KMT2C: variants seen among roughly 807,000 people sequenced by gnomAD.
KMT2C encodes the protein lysine methyltransferase 2C, also known as histone-lysine N-methyltransferase 2C.
A neutral mutation model predicts 507.9 loss-of-function variants in KMT2C; 88 were observed. That is an observed-to-expected ratio of 0.17 (90% CI 0.15 to 0.21). The LOEUF is 0.21. Ranked by LOEUF, KMT2C falls within the 10% of genes least tolerant of loss-of-function variation. The pLI is 1.00. For synonymous variants in KMT2C, 2,049 were observed against 2,080.8 expected, an observed-to-expected ratio of 0.98 and a Z score of 0.42; for missense variants, 4,954 against 5,957.8, an observed-to-expected ratio of 0.83 and a Z score of 5.55.
In KMT2C at chr7:152,148,123, T is replaced by C. The variant is rs141758280; in HGVS notation, c.13804A>G (p.Ile4602Val). 4.5e-5 allele frequency: 72 copies of C among 1,613,556 alleles called. No homozygotes were observed. The African/African-American group carries it at 5.5e-4, about 12-fold the overall frequency. ...ACTGGGCGCCCATCCTTCTCCTCAATGGAGCACAGGTAGCGGCAGCGCCTA... is the reference window on the plus strand; with the variant it reads ...ACTGGGCGCCCATCCTTCTCCTCAACGGAGCACAGGTAGCGGCAGCGCCTA... ...ANRRCRYLCS[I>V]EEKDGRPVFV... Residue 4602 changes from isoleucine to valine, a missense_variant, in exon 52 of 59, where the codon ATT becomes GTT. Ile to Val is a conservative substitution (Grantham distance 29). Coordinates refer to ENST00000262189, the MANE Select transcript of KMT2C (RefSeq NM_170606.3). The surrounding 1 kb of genome is among the most constrained non-coding windows in gnomAD (Gnocchi z 7.1).
rs1329182908 is a variant in KMT2C at position 152,435,901 on chromosome 7, C to T, written c.-115G>A. On this transcript the variant is annotated 5_prime_UTR_variant, in exon 1 of 59. Coordinates refer to ENST00000262189, the MANE Select transcript of KMT2C (RefSeq NM_170606.3). Reference sequence around the variant, plus strand: ...GTTCCTCCTCCCCGGCTCAGCCTCTCGCATTTCCCGCAGCCCCGGGAGCAG... The same window carrying T: ...GTTCCTCCTCCCCGGCTCAGCCTCTTGCATTTCCCGCAGCCCCGGGAGCAG... 6 of 1,145,910 alleles carry T rather than the reference C, an allele frequency of 5.2e-6. No homozygotes were observed. The African/African-American group carries it at 8.3e-5, about 16-fold the overall frequency. 71.0% of individuals were successfully genotyped at this position (1,145,910 alleles called of 1,614,324 possible).
chr7:152,177,624 C>T lies in KMT2C; in HGVS notation c.7829G>A (p.Arg2610Gln), dbSNP rs139770288. ...PGPRHTDPMR[R>Q]PPQGLPNQLP... ...CTGATTAGGTAGACCCTGGGGAGGT[C>T]GTCGCATGGGGTCTGTGTGTCTAGG... Residue 2610 changes from arginine (R) to glutamine (Q), a missense_variant, in exon 38 of 59, where the codon CGA becomes CAA. Physicochemically the swap from Arg to Gln is conservative, Grantham distance 43. This residue lies in a region of KMT2C where 1,689 missense variants were observed against 1,654.3 expected (regional missense o/e 1.02). Coordinates refer to ENST00000262189, the MANE Select transcript of KMT2C (RefSeq NM_170606.3). 298 of 1,614,016 alleles carry T rather than the reference C, an allele frequency of 1.8e-4. 2 individuals are homozygous for T. In the East Asian group the frequency reaches 3.8e-3, roughly 21 times the overall value.
At chr7:152,152,487 T>C (rs1194863602) in intron 49 of KMT2C, among the ~76,000 whole-genome samples, 1 of 152,182 alleles carries the variant, frequency 6.6e-6, no homozygotes, top group African/African-American at 2.4e-5. Flanking sequence ...GGCACTCACA[T>C]AGCCCCTGGT....
At chr7:152,344,213 C>CGGGAAT (rs1449537678) in intron 2 of KMT2C, among the ~76,000 whole-genome samples, 2 of 152,134 alleles carry the variant, frequency 1.3e-5, no homozygotes, top group Non-Finnish European at 2.9e-5. Context: ...ACAGTGGTGC[C>CGGGAAT]ATCTTATCCA....
chr7:152,343,614 C>T (rs2097022021), intron 2 of KMT2C, among the ~76,000 whole-genome samples: 1 of 151,816 alleles, frequency 6.6e-6, no homozygotes, highest in Admixed American at 6.6e-5. Context: ...GATAAATGCC[C>T]AAACAAACTA....
rs2089880251 is a variant in KMT2C at position 152,136,443 on chromosome 7, C to CCGGGG, written c.*384_*388dup. The CCGGGG allele has an allele frequency of 4.0e-6, 1 of 249,578 alleles. No individual in the cohort carries two copies. Among genetic ancestry groups the CCGGGG allele is most frequent in the Non-Finnish European group, 7.8e-6 (1 of 128,614 alleles). 15.5% of individuals were successfully genotyped at this position (249,578 alleles called of 1,614,324 possible). A position where few individuals can be genotyped will look rare whatever the true frequency, so the allele number is the denominator to read the frequency against. Reference sequence around the variant, plus strand: ...CTTACATTCATAGGAAGGCCCCTGCCCGGGGCAGGGCAGCCATCGGCTCTT... The same window carrying CCGGGG: ...CTTACATTCATAGGAAGGCCCCTGCCCGGGGCGGGGCAGGGCAGCCATCGGCTCTT... On this transcript the variant is annotated 3_prime_UTR_variant, in exon 59 of 59. Coordinates refer to ENST00000262189, the MANE Select transcript of KMT2C (RefSeq NM_170606.3).
In KMT2C at chr7:152,136,808, C is replaced by T. The variant is rs145947780; in HGVS notation, c.*24G>A. 4.7e-4 allele frequency: 735 copies of T among 1,570,006 alleles called. 8 individuals carry two copies. The East Asian group carries it at 0.014, about 30-fold the overall frequency. ...CGCCTCTTCCTAGGGACAAGCCGCC[C>T]GCTGAGCTAGCAAGGAATGCATTTC... On this transcript the variant is annotated 3_prime_UTR_variant, in exon 59 of 59. Transcript: ENST00000262189.
intron 51 of KMT2C, among the ~76,000 whole-genome samples, 162 bp downstream of exon 51, chr7:152,150,738 G>A (rs1000799634): frequency 6.6e-6 from 1 of 151,962 alleles, no homozygotes; most frequent in Non-Finnish European, 1.5e-5. Flanking sequence ...ACGACTCAAG[G>A]CTCCCTACAC....
chr7:152,388,173 T>C (rs1291464700), intron 1 of KMT2C, among the ~76,000 whole-genome samples: 3 of 152,248 alleles, frequency 2.0e-5, no homozygotes, highest in Non-Finnish European at 2.9e-5. Flanking sequence ...ATATATATAA[T>C]TTCATTAATT....
chr7:152,270,552 A>G (rs1031673626), intron 7 of KMT2C, among the ~76,000 whole-genome samples: 1 of 152,130 alleles, frequency 6.6e-6, no homozygotes, highest in African/African-American at 2.4e-5. Context: ...GTAGGCTACT[A>G]TGCTCCAAGT....
intron 6 of KMT2C, among the ~76,000 whole-genome samples, chr7:152,297,617 T>A (rs1178366294): frequency 1.3e-5 from 2 of 152,176 alleles, no homozygotes; most frequent in Admixed American, 6.5e-5. Flanking sequence ...TGGTGAGGAA[T>A]AATTAGTCCT....
chr7:152,387,475 T>TG (rs887713881), intron 1 of KMT2C, among the ~76,000 whole-genome samples: 2 of 141,486 alleles, frequency 1.4e-5, no homozygotes, highest in African/African-American at 5.2e-5. Flanking sequence ...TTCCATTTTT[T>TG]TTTTTTTTTT....
chr7:152,341,485 G>A (rs1386456984), intron 2 of KMT2C, among the ~76,000 whole-genome samples: 1 of 152,176 alleles, frequency 6.6e-6, no homozygotes, highest in Non-Finnish European at 1.5e-5. Context: ...AAAGCTCAGA[G>A]GGTTTTGCTC....
intron 11 of KMT2C, 32 bp from the exon 12 acceptor site, chr7:152,250,998 G>T (rs1563586546): frequency 8.0e-7 from 1 of 1,256,832 alleles, no homozygotes. Context: ...CTTTAGCTCA[G>T]AATGAGTTTT....
At position 152,162,850 on chromosome 7, in the gene KMT2C, A is replaced by G. The variant is rs748999968; in HGVS notation, c.10727T>C (p.Ile3576Thr). The G allele has an allele frequency of 5.0e-6, 8 of 1,614,188 alleles. No homozygotes were observed. In the South Asian group the frequency reaches 7.7e-5, roughly 16 times the overall value. The change falls in exon 43 of 59, where the codon ATA (isoleucine) becomes ACA (threonine). Residue 3576 changes from isoleucine (I) to threonine (T), a missense_variant. By Grantham distance (89) the Ile-to-Thr change is moderately conservative. This residue lies in a region of KMT2C where 801 missense variants were observed against 751.2 expected (regional missense o/e 1.07). Coordinates refer to ENST00000262189, the MANE Select transcript of KMT2C (RefSeq NM_170606.3). Reference sequence around the variant, plus strand: ...TCCCGGATAACTGTGTCCATGGGTTATAGTAGAATCTTGGCCACATGGGAG... The same window carrying G: ...TCCCGGATAACTGTGTCCATGGGTTGTAGTAGAATCTTGGCCACATGGGAG... Reference protein sequence around the residue: ...SSLPCGQDSTITHGHSYPGST... With the variant: ...SSLPCGQDSTTTHGHSYPGST...
At chr7:152,212,792 G>A (rs1242955442) in intron 23 of KMT2C, among the ~76,000 whole-genome samples, 2 of 152,260 alleles carry the variant, frequency 1.3e-5, no homozygotes, top group African/African-American at 4.8e-5. Context: ...TGTAATCCCA[G>A]CACTTTGGGA....
At position 152,224,047 on chromosome 7, in the gene KMT2C, T is replaced by A. The variant is rs772329116; in HGVS notation, c.3291A>T (p.Glu1097Asp). 3.0e-5 allele frequency: 48 copies of A among 1,611,080 alleles called. No homozygotes were observed. The highest frequency in any genetic ancestry group is 3.8e-5 in the Non-Finnish European group (45 of 1,179,214). ...ATTGTCTACATTGCAGAATAAGATC[T>A]TCTTCTCTATAGTTTCGATAGCAGA... ...CPVCYRNYREEDLILQCRQCD... is the reference protein window; with the variant it reads ...CPVCYRNYREDDLILQCRQCD... Residue 1097 changes from glutamate (E) to aspartate (D), a missense_variant, in exon 20 of 59, where the codon GAA (glutamate) becomes GAT (aspartate). Glu to Asp is a conservative substitution (Grantham distance 45). This residue lies in a region of KMT2C where 52 missense variants were observed against 162.4 expected (regional missense o/e 0.32). Coordinates refer to ENST00000262189, the MANE Select transcript of KMT2C (RefSeq NM_170606.3).
chr7:152,288,044 A>T (rs1435665406), intron 6 of KMT2C, among the ~76,000 whole-genome samples: 1 of 150,606 alleles, frequency 6.6e-6, no homozygotes, highest in African/African-American at 2.4e-5. Flanking sequence ...AAAAAAAAAA[A>T]AGCAATTACA....
chr7:152,378,675 T>C (rs1325522650), intron 1 of KMT2C, among the ~76,000 whole-genome samples: 5 of 152,190 alleles, frequency 3.3e-5, no homozygotes, highest in Admixed American at 6.5e-5. Context: ...ATTCTAGATA[T>C]ATATCTGCAT....
Sources: allele counts gnomAD v4.1 joint callset (sites outside exome capture counted in the v4.1 genomes callset), GRCh38; gene constraint gnomAD v4.1.1; regional missense constraint gnomAD v4.1.1; non-coding constraint Gnocchi (gnomAD v3.1); transcripts MANE v1.5; gene names NCBI Gene and HGNC (gene_info 2026-07-23, HGNC 2026-07-21).